SDK1: variants seen among roughly 807,000 people sequenced by gnomAD.
SDK1 encodes the protein sidekick cell adhesion molecule 1, also known as protein sidekick-1.
Under a neutral mutation model 245.5 loss-of-function variants are expected in SDK1, and 157 were observed. That is an observed-to-expected ratio of 0.64 (90% CI 0.56 to 0.73). The LOEUF is 0.73. Among genes scored for constraint, SDK1 ranks in the 30% least tolerant of loss-of-function variants. The pLI, the probability that SDK1 is intolerant of heterozygous loss-of-function variation, is 0.00. For missense variants in SDK1, 3,583 were observed against 3,002.3 expected (o/e 1.19, Z -4.52); for synonymous variants, 1,647 against 1,278.5 (o/e 1.29, Z -6.15).
chr7:3,721,395 G>T (rs1208679048), intron 4 of SDK1, among the ~76,000 whole-genome samples: 1 of 152,050 alleles, frequency 6.6e-6, no homozygotes. Context: ...AGGATGAATG[G>T]GTTTCACTGT....
intron 1 of SDK1, among the ~76,000 whole-genome samples, chr7:3,395,205 A>G (rs1411716277): frequency 6.6e-6 from 1 of 151,972 alleles, no homozygotes; most frequent in African/African-American, 2.4e-5. Context: ...GGATTTTGTC[A>G]AATGTTTTCT....
chr7:3,672,759 T>TATATACACATA (rs1554307103), intron 4 of SDK1, among the ~76,000 whole-genome samples: 3 of 50,744 alleles, frequency 5.9e-5, no homozygotes, highest in African/African-American at 2.6e-4. Context: ...ATATATAATT[T>TATATACACATA]TATATATATA....
chr7:4,244,573 A>G (rs901341229), intron 43 of SDK1, among the ~76,000 whole-genome samples: 5 of 152,220 alleles, frequency 3.3e-5, no homozygotes, highest in Admixed American at 6.5e-5. Context: ...CTCATTTTCT[A>G]TCGCTGCATG....
At chr7:3,683,196 T>G (rs1045164779) in intron 4 of SDK1, among the ~76,000 whole-genome samples, 15 of 152,192 alleles carry the variant, frequency 9.9e-5, no homozygotes, top group African/African-American at 3.4e-4. Context: ...TTTCCACAGG[T>G]AAGCTACATG....
At chr7:3,846,728 G>A (rs1016093064) in intron 5 of SDK1, among the ~76,000 whole-genome samples, 11 of 152,112 alleles carry the variant, frequency 7.2e-5, no homozygotes, top group African/African-American at 2.7e-4. Context: ...GCCTTTATCT[G>A]GAACCCTGTG....
intron 1 of SDK1, among the ~76,000 whole-genome samples, chr7:3,459,371 G>A (rs1780767821): frequency 6.6e-6 from 1 of 152,248 alleles, no homozygotes; most frequent in African/African-American, 2.4e-5. Flanking sequence ...ATCGTTTGCT[G>A]TTTATGTATT....
intron 5 of SDK1, among the ~76,000 whole-genome samples, chr7:3,909,295 C>G (rs1415511845): frequency 6.6e-6 from 1 of 152,092 alleles, no homozygotes; most frequent in Non-Finnish European, 1.5e-5. Context: ...ACCAGATGGC[C>G]GCCAATAACT....
At chr7:3,548,928 G>C (rs1196761198) in intron 1 of SDK1, among the ~76,000 whole-genome samples, 1 of 152,176 alleles carries the variant, frequency 6.6e-6, no homozygotes, top group Non-Finnish European at 1.5e-5. Context: ...GGAGACTTCT[G>C]TTAAGATCCA....
At chr7:3,557,161 A>C (rs10260529) in intron 1 of SDK1, among the ~76,000 whole-genome samples, 8 of 152,146 alleles carry the variant, frequency 5.3e-5, no homozygotes, top group African/African-American at 1.7e-4. Context: ...TCAATGTATC[A>C]AAAACCTGGT....
chr7:3,853,509 A>AGATAT (rs1780468624), intron 5 of SDK1, among the ~76,000 whole-genome samples: 1 of 152,226 alleles, frequency 6.6e-6, no homozygotes. Context: ...TATGCATTAA[A>AGATAT]ATAAGAGTTG....
At chr7:3,758,593 A>G (rs1018495835) in intron 4 of SDK1, among the ~76,000 whole-genome samples, 4 of 152,114 alleles carry the variant, frequency 2.6e-5, no homozygotes, top group Admixed American at 6.5e-5. Context: ...CCAGTTGGCC[A>G]CTGTGTTTGT....
At chr7:3,649,768 C>T (rs1368780471) in intron 4 of SDK1, among the ~76,000 whole-genome samples, 2 of 152,068 alleles carry the variant, frequency 1.3e-5, no homozygotes, top group African/African-American at 4.8e-5. Flanking sequence ...CTCCTAAGTC[C>T]ACACCGTTCC....
intron 1 of SDK1, among the ~76,000 whole-genome samples, chr7:3,495,339 C>A (rs1343566513): frequency 6.8e-6 from 1 of 147,554 alleles, no homozygotes; most frequent in Non-Finnish European, 1.5e-5. Context: ...CTCATTGCAG[C>A]CTCTGCCTCT....
chr7:3,518,185 A>G (rs1226489722), intron 1 of SDK1, among the ~76,000 whole-genome samples: 2 of 152,164 alleles, frequency 1.3e-5, no homozygotes, highest in African/African-American at 2.4e-5. Flanking sequence ...TTAGAGGTGA[A>G]TAATTTATTT....
chr7:3,401,612 A>G (rs1778889460), intron 1 of SDK1, among the ~76,000 whole-genome samples: 1 of 152,112 alleles, frequency 6.6e-6, no homozygotes, highest in Non-Finnish European at 1.5e-5. Context: ...AGTTCACTGG[A>G]TGGGAAGACC....
At chr7:3,834,380 C>T (rs1779983866) in intron 5 of SDK1, among the ~76,000 whole-genome samples, 1 of 152,206 alleles carries the variant, frequency 6.6e-6, no homozygotes, top group Non-Finnish European at 1.5e-5. Context: ...ATGACAGGAA[C>T]ACAGTGTGTT....
intron 23 of SDK1, among the ~76,000 whole-genome samples, chr7:4,112,755 T>A (rs1392497204): frequency 7.2e-6 from 1 of 138,556 alleles, no homozygotes; most frequent in African/African-American, 2.9e-5. Context: ...ATATGCAATT[T>A]GCATTTTTTT....
chr7:3,767,906 T>C (rs1248617574), intron 4 of SDK1, among the ~76,000 whole-genome samples: 1 of 152,238 alleles, frequency 6.6e-6, no homozygotes, highest in East Asian at 1.9e-4. Flanking sequence ...GAGATGATTA[T>C]TGAACACTTA....
At chr7:4,097,119 T>G (rs1370274153) in intron 22 of SDK1, among the ~76,000 whole-genome samples, 1 of 152,230 alleles carries the variant, frequency 6.6e-6, no homozygotes, top group Non-Finnish European at 1.5e-5. Flanking sequence ...TTCACCCAGC[T>G]GGGCAGAGGG....
Sources: gnomAD v4.1 joint callset for allele counts (sites outside exome capture counted in the v4.1 genomes callset) on GRCh38, gnomAD v4.1.1 for gene constraint, MANE v1.5 for transcripts, NCBI Gene and HGNC (gene_info 2026-07-23, HGNC 2026-07-21) for gene names.